The following ROBO2 variants were observed in gnomAD, a reference collection of about 807,000 sequenced individuals.
ROBO2 encodes the protein roundabout guidance receptor 2, also known as roundabout homolog 2.
A neutral mutation model predicts 160.8 loss-of-function variants in ROBO2; 53 were observed. The ratio of observed to expected loss-of-function variants is 0.33; its 90% CI spans 0.26 to 0.41. The LOEUF is 0.41. Ranked by LOEUF, ROBO2 falls within the 10% of genes least tolerant of loss-of-function variation. The probability of loss-of-function intolerance (pLI) is 1.00; values close to 1 mark genes in which losing one functional copy is unlikely to be tolerated. For missense variants in ROBO2, 1,577 were observed against 1,722.4 expected (o/e 0.92, Z 1.49); for synonymous variants, 664 against 611.7 (o/e 1.09, Z -1.26).
intron 2 of ROBO2, among the ~76,000 whole-genome samples, chr3:76,195,610 A>G (rs913442983): frequency 6.6e-6 from 1 of 152,188 alleles, no homozygotes; most frequent in African/African-American, 2.4e-5. Context: ...GTTCTTAGAG[A>G]GTTTAATAGG....
At chr3:76,349,446 T>C (rs2108269984) in intron 2 of ROBO2, among the ~76,000 whole-genome samples, 1 of 152,198 alleles carries the variant, frequency 6.6e-6, no homozygotes. Context: ...ATTACCCCCA[T>C]CTTACTGACT....
intron 2 of ROBO2, among the ~76,000 whole-genome samples, chr3:76,129,070 AAAG>A (rs1390353883): frequency 6.6e-6 from 1 of 151,972 alleles, no homozygotes; most frequent in Non-Finnish European, 1.5e-5. Flanking sequence ...AAAAAAAAAA[AAAG>A]AAACTCAAGA....
chr3:76,334,054 A>G (rs1350616996), intron 2 of ROBO2, among the ~76,000 whole-genome samples: 1 of 152,152 alleles, frequency 6.6e-6, no homozygotes, highest in East Asian at 1.9e-4. Context: ...TGATGAGTTA[A>G]TTGGTGCAGC....
intron 2 of ROBO2, among the ~76,000 whole-genome samples, chr3:75,972,292 A>G (rs2065019352): frequency 6.6e-6 from 1 of 151,714 alleles, no homozygotes; most frequent in African/African-American, 2.4e-5. Context: ...CTTGATTGTT[A>G]TGGGAGTGCA....
chr3:76,631,076 C>A (rs1334448379), intron 2 of ROBO2, among the ~76,000 whole-genome samples: 1 of 152,048 alleles, frequency 6.6e-6, no homozygotes, highest in African/African-American at 2.4e-5. Flanking sequence ...ACTTTAATAT[C>A]TAAACCTCTT....
At chr3:77,497,781 C>G (rs2086994884) in intron 5 of ROBO2, among the ~76,000 whole-genome samples, 1 of 151,988 alleles carries the variant, frequency 6.6e-6, no homozygotes, top group Non-Finnish European at 1.5e-5. Flanking sequence ...CATGTTCCCT[C>G]ATAACATAGG....
intron 2 of ROBO2, among the ~76,000 whole-genome samples, chr3:76,102,849 G>C (rs956260735): frequency 1.1e-4 from 16 of 150,844 alleles, no homozygotes; most frequent in African/African-American, 3.9e-4. Context: ...TTTTGAGATG[G>C]AGTCTCACTC....
At chr3:76,871,840 G>T (rs955924546) in intron 2 of ROBO2, among the ~76,000 whole-genome samples, 3 of 152,136 alleles carry the variant, frequency 2.0e-5, no homozygotes, top group Non-Finnish European at 4.4e-5. Flanking sequence ...TTACATTAGA[G>T]CTAGACTGAC....
At chr3:76,856,107 A>G (rs1298773400) in intron 2 of ROBO2, among the ~76,000 whole-genome samples, 1 of 152,132 alleles carries the variant, frequency 6.6e-6, no homozygotes, top group Non-Finnish European at 1.5e-5. Context: ...GATGGGATAT[A>G]TTTTCAGTAT....
intron 2 of ROBO2, among the ~76,000 whole-genome samples, chr3:77,456,435 TTAA>T (rs1273706018): frequency 2.3e-4 from 35 of 152,190 alleles, no homozygotes; most frequent in African/African-American, 8.4e-4. Flanking sequence ...GAAAAAACAC[TTAA>T]TGATGTTTTA....
intron 2 of ROBO2, among the ~76,000 whole-genome samples, chr3:77,146,787 T>C (rs1043681738): frequency 3.3e-5 from 5 of 151,968 alleles, no homozygotes; most frequent in Non-Finnish European, 7.4e-5. Context: ...GCCAAAATGG[T>C]GAAGCCCCAT....
Position 76,567,620 on chromosome 3 carries a change from G to GATATATATATAT in ROBO2, c.110-530372_110-530361dup, listed in dbSNP as rs1201854439. Among the ~76,000 whole-genome samples, 322 of 33,004 alleles carry GATATATATATAT rather than the reference G, an allele frequency of 9.8e-3. 1 individual carries two copies. Among genetic ancestry groups the GATATATATATAT allele is most frequent in the Middle Eastern group, 0.02 (1 of 50 alleles). The allele number at this position is 33,004 out of a possible 152,430, so 21.7% of individuals were successfully genotyped here. ...TATATTTATGCTATACCAAACTACT[G>GATATATATATAT]ATATATATATATATATATATATATA... On this transcript the variant is annotated intron_variant, in intron 2 of 26. Coordinates refer to the ROBO2 transcript ENST00000487694.
At chr3:75,913,828 A>G (rs1946700938) in intron 1 of ROBO2, among the ~76,000 whole-genome samples, 1 of 152,194 alleles carries the variant, frequency 6.6e-6, no homozygotes, top group Non-Finnish European at 1.5e-5. Flanking sequence ...TAAATTTTCA[A>G]AGGGATGTTA....
chr3:77,421,208 C>G (rs116170368), intron 2 of ROBO2, among the ~76,000 whole-genome samples: 2,022 of 152,200 alleles, frequency 0.013, 46 homozygotes, highest in African/African-American at 0.044. Flanking sequence ...CTGGAAATGT[C>G]ACAGGACATT....
In ROBO2 at chr3:77,577,632, A is replaced by G. The variant is rs746930632; in HGVS notation, c.2328+18A>G. ...AATACAAGGTAGGACCCGGGTGAAGAAGGACAGCTCTCATGTAAAGGTTCC... is the reference window on the plus strand; with the variant it reads ...AATACAAGGTAGGACCCGGGTGAAGGAGGACAGCTCTCATGTAAAGGTTCC... On this transcript the variant is annotated intron_variant, in intron 15 of 25. Transcript: ENST00000461745. 4.3e-6 allele frequency: 7 copies of G among 1,612,804 alleles called. No homozygotes were observed. Among genetic ancestry groups the G allele is most frequent in the Non-Finnish European group, 5.1e-6 (6 of 1,179,266 alleles).
chr3:76,310,452 G>A (rs901324369), intron 2 of ROBO2, among the ~76,000 whole-genome samples: 6 of 152,204 alleles, frequency 3.9e-5, no homozygotes, highest in African/African-American at 1.4e-4. Context: ...ATTGAACACA[G>A]AGGAGAGCTG....
chr3:76,103,465 A>G (rs1222047408), intron 2 of ROBO2, among the ~76,000 whole-genome samples: 1 of 152,230 alleles, frequency 6.6e-6, no homozygotes, highest in African/African-American at 2.4e-5. Flanking sequence ...CCCTCTGCTC[A>G]CAATACACAG....
intron 2 of ROBO2, among the ~76,000 whole-genome samples, chr3:76,924,004 A>T (rs1163270320): frequency 6.6e-6 from 1 of 152,242 alleles, no homozygotes; most frequent in Non-Finnish European, 1.5e-5. Context: ...TTGTGAAATC[A>T]TTAATTGTCA....
At chr3:76,000,793 TTAATGAG>T (rs2065864667) in intron 2 of ROBO2, among the ~76,000 whole-genome samples, 2 of 152,130 alleles carry the variant, frequency 1.3e-5, no homozygotes, top group South Asian at 4.1e-4. Flanking sequence ...TCTAGTATAT[TTAATGAG>T]ATATTAATAT....
Sources: allele counts gnomAD v4.1 joint callset (sites outside exome capture counted in the v4.1 genomes callset), GRCh38; gene constraint gnomAD v4.1.1; transcripts MANE v1.5; gene names NCBI Gene and HGNC (gene_info 2026-07-23, HGNC 2026-07-21).